Variants in ZDHHC15 observed in about 807,000 individuals in gnomAD.
The protein encoded by ZDHHC15 is palmitoyltransferase ZDHHC15.
In ZDHHC15, 19 loss-of-function variants were observed where a neutral mutation model predicts 31.7. The ratio of observed to expected loss-of-function variants is 0.60; its 90% confidence interval spans 0.42 to 0.88. The LOEUF (loss-of-function observed/expected upper bound fraction) is 0.88, where lower values mean the gene tolerates loss of function less well. Ranked by LOEUF, ZDHHC15 falls within the 40% of genes least tolerant of loss-of-function variation. The pLI is 0.00. For missense variants in ZDHHC15, 209 were observed against 251.2 expected (o/e 0.83, Z 1.14); for synonymous variants, 103 against 90.0 (o/e 1.14, Z -0.82).
At chrX:75,400,021 A>C (rs2083339491) in intron 10 of ZDHHC15, among the ~76,000 whole-genome samples, 1 of 112,021 alleles carries the variant, frequency 8.9e-6, no homozygotes, top group Non-Finnish European at 1.9e-5. Flanking sequence ...ACACGCAGAG[A>C]TGAGAAAAAA....
intron 3 of ZDHHC15, among the ~76,000 whole-genome samples, chrX:75,454,748 A>C (rs1299122767): frequency 9.0e-6 from 1 of 111,496 alleles, no homozygotes. Context: ...CATGTACCCT[A>C]GAACTTAAAG....
chrX:75,405,953 T>C (rs910578851), intron 10 of ZDHHC15, among the ~76,000 whole-genome samples: 6 of 112,189 alleles, frequency 5.3e-5, no homozygotes, highest in Admixed American at 3.8e-4. Context: ...AAAGTAGAAA[T>C]CATATCAATT....
intron 3 of ZDHHC15, among the ~76,000 whole-genome samples, chrX:75,460,761 G>T (rs1336031366): frequency 1.8e-5 from 2 of 111,139 alleles, no homozygotes; most frequent in Non-Finnish European, 3.8e-5. Context: ...CAACAGAAAA[G>T]ACCCCACAAA....
At chrX:75,493,428 T>G (rs2148016856) in intron 2 of ZDHHC15, among the ~76,000 whole-genome samples, 1 of 111,936 alleles carries the variant, frequency 8.9e-6, no homozygotes, top group South Asian at 3.8e-4. Flanking sequence ...CCTAATTCAT[T>G]TTATGAGGCC....
intron 4 of ZDHHC15, among the ~76,000 whole-genome samples, chrX:75,442,964 C>T (rs1189700531): frequency 1.6e-4 from 14 of 88,735 alleles, no homozygotes; most frequent in East Asian, 1.1e-3. Flanking sequence ...CCAGCCTGGG[C>T]GACAGAGCGA....
intron 3 of ZDHHC15, 51 bp downstream of exon 3, chrX:75,478,840 A>C (rs2084645188): frequency 6.2e-6 from 6 of 965,291 alleles, no homozygotes; most frequent in Non-Finnish European, 7.3e-6. Flanking sequence ...CTTTATTGTC[A>C]CTTCTACTTT....
chrX:75,468,014 A>G (rs2147951558), intron 3 of ZDHHC15, among the ~76,000 whole-genome samples: 1 of 105,889 alleles, frequency 9.4e-6, no homozygotes, highest in East Asian at 3.0e-4. Context: ...TGTGGCCTTC[A>G]GTGTCTGGTG....
chrX:75,413,980 G>C (rs2083515888), intron 10 of ZDHHC15, among the ~76,000 whole-genome samples: 1 of 111,469 alleles, frequency 9.0e-6, no homozygotes, highest in Admixed American at 9.5e-5. Flanking sequence ...CAATTTGAAG[G>C]AAATGGATCC....
At chrX:75,459,231 G>T (rs1344395010) in intron 3 of ZDHHC15, among the ~76,000 whole-genome samples, 1 of 110,587 alleles carries the variant, frequency 9.0e-6, no homozygotes, top group Non-Finnish European at 1.9e-5. Flanking sequence ...AGCCCCAGTA[G>T]CCCCAGCAAG....
At chrX:75,468,343 C>G (rs2147952470) in intron 3 of ZDHHC15, among the ~76,000 whole-genome samples, 1 of 111,601 alleles carries the variant, frequency 9.0e-6, no homozygotes, top group South Asian at 3.8e-4. Flanking sequence ...CGAGCCCAGC[C>G]CTGGCATAAT....
intron 4 of ZDHHC15, among the ~76,000 whole-genome samples, chrX:75,449,240 ACACACACACACAC>A (rs1233176015): frequency 4.7e-5 from 5 of 106,091 alleles, no homozygotes; most frequent in Non-Finnish European, 1.9e-5. Flanking sequence ...ACACACACAC[ACACACACACACAC>A]AATTCTATTG....
intron 11 of ZDHHC15, 34 bp downstream of exon 11, chrX:75,379,086 G>T: frequency 1.8e-6 from 2 of 1,125,687 alleles, no homozygotes; most frequent in South Asian, 1.8e-5. Context: ...AGCAGTCCAG[G>T]TGCCACTGTA....
chrX:75,401,275 A>T lies in ZDHHC15; in HGVS notation c.967+15812T>A, dbSNP rs1363125239. Among the ~76,000 whole-genome samples the T allele has an allele frequency of 3.6e-5, 4 of 111,539 alleles. No homozygotes were observed. The East Asian group carries it at 1.1e-3, about 31-fold the overall frequency. The stretch of plus-strand genomic sequence containing the variant: ...GTTTCCAAAAAAAAAAAAAGAAAAG[A>T]AAAAAGAAAAACACACTTAAACACA... On this transcript the variant is annotated intron_variant, in intron 10 of 11. Transcript: ENST00000373367.
At chrX:75,450,589 A>T (rs974562115) in intron 4 of ZDHHC15, 2 of 694,745 alleles carry the variant, frequency 2.9e-6, no homozygotes, top group African/African-American at 4.4e-5. Context: ...TAGCAGAAGA[A>T]TCCAGTTTGG....
chrX:75,423,129 G>C (rs1292130302), intron 8 of ZDHHC15, among the ~76,000 whole-genome samples: 2 of 108,188 alleles, frequency 1.8e-5, no homozygotes, highest in Middle Eastern at 4.3e-3. Flanking sequence ...CAATCTTCCT[G>C]TCTCAGCTTA....
intron 4 of ZDHHC15, among the ~76,000 whole-genome samples, chrX:75,445,699 T>C (rs1400542216): frequency 2.7e-5 from 3 of 112,012 alleles, no homozygotes; most frequent in African/African-American, 9.7e-5. Flanking sequence ...TTGTAGGGTA[T>C]CTACTGTTAA....
At chrX:75,491,532 G>T (rs1297529739) in intron 2 of ZDHHC15, among the ~76,000 whole-genome samples, 1 of 105,830 alleles carries the variant, frequency 9.4e-6, no homozygotes, top group South Asian at 4.5e-4. Flanking sequence ...GCTAAATGAC[G>T]AGCTAATGGG....
At chrX:75,428,929 T>A in intron 7 of ZDHHC15, 149 bp downstream of exon 7, 1 of 784,642 alleles carries the variant, frequency 1.3e-6, no homozygotes, top group Admixed American at 3.9e-5. Flanking sequence ...GTATTCAATA[T>A]GGAAAACCTG....
intron 8 of ZDHHC15, 80 bp from the exon 9 acceptor site, chrX:75,422,070 T>A: frequency 9.2e-7 from 1 of 1,084,944 alleles, no homozygotes; most frequent in Non-Finnish European, 1.2e-6. Context: ...TGATTTTACA[T>A]TTCTCCATGT....
Sources: gnomAD v4.1 joint callset for allele counts (sites outside exome capture counted in the v4.1 genomes callset) on GRCh38, gnomAD v4.1.1 for gene constraint, MANE v1.5 for transcripts, NCBI Gene and HGNC (gene_info 2026-07-23, HGNC 2026-07-21) for gene names.